Variants in FLACC1 observed in about 807,000 individuals in gnomAD.
The protein encoded by FLACC1 is flagellum-associated coiled-coil domain-containing protein 1.
A neutral mutation model predicts 62.8 loss-of-function variants in FLACC1; 66 were observed. The ratio of observed to expected loss-of-function variants is 1.05; its 90% CI spans 0.86 to 1.29. FLACC1 has a LOEUF of 1.29. Among genes scored for constraint, FLACC1 ranks in the 50% most tolerant of loss-of-function variants. The pLI, the probability that FLACC1 is intolerant of heterozygous loss-of-function variation, is 0.00. For missense variants in FLACC1, 452 were observed against 489.1 expected (o/e 0.92, Z 0.71); for synonymous variants, 156 against 161.0 (o/e 0.97, Z 0.24).
intron 9 of FLACC1, among the ~76,000 whole-genome samples, chr2:201,312,289 T>C (rs1950231110): frequency 6.6e-6 from 1 of 152,122 alleles, no homozygotes; most frequent in Admixed American, 6.5e-5. Context: ...ACCAATAATG[T>C]CCAAGGTGAG....
intron 9 of FLACC1, among the ~76,000 whole-genome samples, chr2:201,313,538 C>T (rs1389471412): frequency 6.6e-6 from 1 of 152,122 alleles, no homozygotes; most frequent in Non-Finnish European, 1.5e-5. Context: ...ACCTCCATCC[C>T]CACAGCAGCT....
At chr2:201,352,636 T>G (rs994803993) in intron 1 of FLACC1, among the ~76,000 whole-genome samples, 12 of 152,204 alleles carry the variant, frequency 7.9e-5, no homozygotes, top group African/African-American at 2.6e-4. Context: ...ACATCAGAGG[T>G]CCCAGAGGGT....
chr2:201,359,381 G>C (rs1233672186), upstream of FLACC1, among the ~76,000 whole-genome samples: 1 of 152,194 alleles, frequency 6.6e-6, no homozygotes, highest in Non-Finnish European at 1.5e-5. Context: ...TTCTGGCCTA[G>C]AAGCAGATTT....
chr2:201,360,032 C>T (rs1951171604), upstream of FLACC1, among the ~76,000 whole-genome samples: 1 of 152,094 alleles, frequency 6.6e-6, no homozygotes, highest in African/African-American at 2.4e-5. Context: ...AATACCCCAG[C>T]CACTCGACTT....
intron 12 of FLACC1, among the ~76,000 whole-genome samples, chr2:201,294,360 G>T (rs1225943370): frequency 6.6e-6 from 1 of 152,162 alleles, no homozygotes; most frequent in Non-Finnish European, 1.5e-5. Flanking sequence ...TGCAAGGCTG[G>T]TTCAACATAC....
chr2:201,346,159 T>C lies in FLACC1; in HGVS notation c.368+383A>G, dbSNP rs1950909827. On this transcript the variant is annotated intron_variant, in intron 5 of 14. Coordinates refer to ENST00000392257, the MANE Select transcript of FLACC1 (RefSeq NM_001127391.3). This position sits in a 1 kb window ranked among gnomAD's most constrained non-coding sequence, Gnocchi z 4.0. ...CAGCCTGGGTGGCAGAGAGAGACTCTGTCTCAAAAAAAAAAGTGCACTCCA... is the reference window on the plus strand; with the variant it reads ...CAGCCTGGGTGGCAGAGAGAGACTCCGTCTCAAAAAAAAAAGTGCACTCCA... Among the ~76,000 whole-genome samples, 2 of 151,892 alleles carry C rather than the reference T, an allele frequency of 1.3e-5. No individual in the cohort carries two copies. The highest frequency in any genetic ancestry group is 2.4e-5 in the African/African-American group (1 of 41,438).
At chr2:201,353,585 C>CTT (rs1951067210) in intron 1 of FLACC1, among the ~76,000 whole-genome samples, 1 of 151,808 alleles carries the variant, frequency 6.6e-6, no homozygotes. Context: ...TTTCTCTTTT[C>CTT]TTCTTTTCTT....
At position 201,307,603 on chromosome 2, in the gene FLACC1, T is replaced by G; in HGVS notation, c.795A>C (p.Lys265Asn). Residue 265 changes from lysine (K) to asparagine (N), a missense_variant, in exon 11 of 15, where the codon AAA becomes AAC. Transcript: ENST00000392257. ...LLQQKKKMTK[K>N]FEMESGEEDK... ...CTTCTTCTCCTGACTCCATTTCGAA[T>G]TTTTTGGTCATCTTTTTTTCTGTGG... The G allele has an allele frequency of 1.2e-6, 2 of 1,613,624 alleles. No homozygotes were observed. The highest frequency in any genetic ancestry group is 1.7e-6 in the Non-Finnish European group (2 of 1,179,666).
chr2:201,326,128 T>G lies in FLACC1; in HGVS notation c.675+4342A>C, dbSNP rs1950496897. On this transcript the variant is annotated intron_variant, in intron 9 of 14. Transcript: ENST00000392257. This position sits in a 1 kb window ranked among gnomAD's most constrained non-coding sequence, Gnocchi z 4.1. ...AATAAAATCCAGCATCCTTCATAAT[T>G]AAAACTCCTAACAAACTAGGCATAG... 6.6e-6 allele frequency among the ~76,000 whole-genome samples: 1 copy of G among 152,050 alleles called. No homozygotes were observed. The highest frequency in any genetic ancestry group is 1.5e-5 in the Non-Finnish European group (1 of 67,980).
chr2:201,296,144 C>T lies in FLACC1; in HGVS notation c.942+3094G>A, dbSNP rs564868015. On this transcript the variant is annotated intron_variant, in intron 12 of 14. Coordinates refer to ENST00000392257, the MANE Select transcript of FLACC1 (RefSeq NM_001127391.3). Reference sequence around the variant, plus strand: ...CTAGAACTAGAAATCCCATTTGGCCCAGCCATCCCATTACTGGGTATATAC... The same window carrying T: ...CTAGAACTAGAAATCCCATTTGGCCTAGCCATCCCATTACTGGGTATATAC... Among the ~76,000 whole-genome samples the T allele has an allele frequency of 3.0e-4, 45 of 152,270 alleles. No homozygotes were observed. In the South Asian group the frequency reaches 8.7e-3, roughly 29 times the overall value.
intron 12 of FLACC1, among the ~76,000 whole-genome samples, chr2:201,293,436 G>A (rs1037667672): frequency 4.6e-5 from 7 of 152,180 alleles, no homozygotes; most frequent in South Asian, 2.1e-4. Flanking sequence ...GGTACATAAT[G>A]AAATGAAGGC....
At chr2:201,338,864 G>T (rs7598059) in intron 7 of FLACC1, among the ~76,000 whole-genome samples, 13,666 of 152,014 alleles carry the variant, frequency 0.09, 698 homozygotes, top group African/African-American at 0.12. Flanking sequence ...ATTGATCCGT[G>T]GTTTTCTTTT....
chr2:201,361,627 T>C (rs965130398), upstream of FLACC1, among the ~76,000 whole-genome samples: 1 of 152,196 alleles, frequency 6.6e-6, no homozygotes, highest in Non-Finnish European at 1.5e-5. Flanking sequence ...CAACTCTTCA[T>C]ATTACTGGAT....
intron 12 of FLACC1, among the ~76,000 whole-genome samples, chr2:201,293,016 A>C (rs2125535393): frequency 6.6e-6 from 1 of 152,344 alleles, no homozygotes; most frequent in Admixed American, 6.5e-5. Context: ...AGCCAGATTC[A>C]TAAAGTAAGT....
At chr2:201,358,660 G>A (rs1005115644), upstream of FLACC1, among the ~76,000 whole-genome samples, 8 of 151,790 alleles carry the variant, frequency 5.3e-5, no homozygotes, top group Non-Finnish European at 1.0e-4. Flanking sequence ...CTCGTGATCC[G>A]CCCGCCTCGG....
intron 12 of FLACC1, 166 bp from the exon 13 acceptor site, chr2:201,289,951 T>C: frequency 8.2e-7 from 1 of 1,225,594 alleles, no homozygotes; most frequent in Non-Finnish European, 1.1e-6. Context: ...CTCACCCATC[T>C]ATATCCTTCT....
At position 201,342,405 on chromosome 2, in the gene FLACC1, A is replaced by G. The variant is rs1559416411; in HGVS notation, c.489T>C (p.Cys163=). 1 of 1,614,220 alleles carries G rather than the reference A, an allele frequency of 6.2e-7. No individual in the cohort carries two copies. The highest frequency in any genetic ancestry group is 1.7e-5 in the Admixed American group (1 of 60,022). ...TTTCAAAGTTCTGTTTCATCTCAGC[A>G]CAGCGGAGATCCATTTCACTGGAGA... ...KLLSSEMDLR[C]AEMKQNFENK... Residue 163 remains cysteine (C), a synonymous_variant, in exon 7 of 15, where the codon TGT becomes TGC. Transcript: ENST00000392257.
rs186151866 is a variant in FLACC1 at position 201,304,827 on chromosome 2, T to C, written c.879+2692A>G. Among the ~76,000 whole-genome samples the C allele has an allele frequency of 2.6e-5, 4 of 152,264 alleles. No individual in the cohort carries two copies. In the East Asian group the frequency reaches 5.8e-4, roughly 22 times the overall value. On this transcript the variant is annotated intron_variant, in intron 11 of 14. Transcript: ENST00000392257. Reference sequence around the variant, plus strand: ...TGACAAACCTGACAAAAACAAGAAATGGGGAAAGTACTCCCTATTTAATAA... The same window carrying C: ...TGACAAACCTGACAAAAACAAGAAACGGGGAAAGTACTCCCTATTTAATAA...
At chr2:201,305,743 A>G (rs1410321247) in intron 11 of FLACC1, among the ~76,000 whole-genome samples, 1 of 152,248 alleles carries the variant, frequency 6.6e-6, no homozygotes, top group African/African-American at 2.4e-5. Flanking sequence ...ACCATGGAAT[A>G]CTATGCAGCC....
Sources: allele counts gnomAD v4.1 joint callset (sites outside exome capture counted in the v4.1 genomes callset), GRCh38; gene constraint gnomAD v4.1.1; non-coding constraint Gnocchi (gnomAD v3.1); transcripts MANE v1.5; gene names NCBI Gene and HGNC (gene_info 2026-07-23, HGNC 2026-07-21).